The following OR10D3 variants were observed in gnomAD, a reference collection of about 807,000 sequenced individuals.
OR10D3 encodes olfactory receptor 10D3.
For synonymous variants in OR10D3, 100 were observed against 57.6 expected (o/e 1.74, Z -3.33); for missense variants, 286 against 153.7 (o/e 1.86, Z -4.55).
chr11:124,187,928 A>T (rs1020374907), exon 2 of OR10D3: 5 of 152,232 alleles, frequency 3.3e-5, no homozygotes, highest in African/African-American at 1.2e-4. Context: ...TATGAATGCA[A>T]GGCTTTTACG....
chr11:124,185,157 A>G (rs1260321045), intron 1 of OR10D3, 102 bp from the exon 2 acceptor site: 1 of 601,248 alleles, frequency 1.7e-6, no homozygotes, highest in Non-Finnish European at 3.0e-6. Context: ...GATGCAAATC[A>G]CAGTCACTTA....
intron 1 of OR10D3, among the ~76,000 whole-genome samples, chr11:124,183,657 AAGCAATTCTCCTGCCTTAGTCTCCAG>A (rs1215051794): frequency 2.0e-5 from 3 of 148,872 alleles, no homozygotes; most frequent in Non-Finnish European, 4.4e-5. Flanking sequence ...TCCCGGGTTC[AAGCAATTCTCCTGCCTTAGTCTCCAG>A]AGTAGCTGAA....
chr11:124,183,758 A>G (rs1861189760), intron 1 of OR10D3, among the ~76,000 whole-genome samples: 1 of 152,082 alleles, frequency 6.6e-6, no homozygotes, highest in Admixed American at 6.6e-5. Flanking sequence ...ATGGAGAGGA[A>G]AATTTGGAGT....
exon 2 of OR10D3, chr11:124,186,830 G>A (rs1861232260): frequency 6.6e-6 from 1 of 152,188 alleles, no homozygotes; most frequent in African/African-American, 2.4e-5. Flanking sequence ...AAAGCATTGT[G>A]TCTAGTATAT....
chr11:124,185,142 A>G, intron 1 of OR10D3, 117 bp from the exon 2 acceptor site: 2 of 598,330 alleles, frequency 3.3e-6, no homozygotes, highest in Non-Finnish European at 5.9e-6. Context: ...CCTTTCCATA[A>G]CTTAGATGCA....
intron 1 of OR10D3, among the ~76,000 whole-genome samples, chr11:124,184,717 G>A (rs1861199636): frequency 1.3e-5 from 2 of 152,200 alleles, no homozygotes; most frequent in Admixed American, 1.3e-4. Flanking sequence ...TCCTCAAAAA[G>A]TGACTGCCAG....
intron 1 of OR10D3, among the ~76,000 whole-genome samples, chr11:124,183,748 A>G (rs116634474): frequency 0.013 from 1,976 of 152,108 alleles, 54 homozygotes; most frequent in African/African-American, 0.046. Flanking sequence ...TGTGTATCCA[A>G]TGGAGAGGAA....
At chr11:124,185,341 G>T in exon 2 of OR10D3, 1 of 703,352 alleles carries the variant, frequency 1.4e-6, no homozygotes. Context: ...AGGGGCTGGA[G>T]ATGACACTTT....
exon 2 of OR10D3, chr11:124,185,920 C>A: frequency 1.4e-6 from 1 of 703,218 alleles, no homozygotes; most frequent in Middle Eastern, 2.3e-4. Flanking sequence ...TTCTTTTATC[C>A]TACACTAGAA....
exon 2 of OR10D3, chr11:124,185,373 A>G (rs553801386): frequency 5.1e-5 from 36 of 703,154 alleles, no homozygotes; most frequent in Middle Eastern, 4.6e-4. Context: ...TTGCCCTTCT[A>G]TGCCTGCACT....
chr11:124,187,450 A>G (rs1861238799), exon 2 of OR10D3: 1 of 152,234 alleles, frequency 6.6e-6, no homozygotes, highest in Non-Finnish European at 1.5e-5. Context: ...ATCCCACAGA[A>G]GACAGAGACA....
At chr11:124,184,495 T>C (rs2724661) in intron 1 of OR10D3, among the ~76,000 whole-genome samples, 99,241 of 151,976 alleles carry the variant, frequency 0.65, 32,710 homozygotes, top group East Asian at 0.75. Context: ...GATGTCCAAA[T>C]GAAAAACATG....
exon 2 of OR10D3, chr11:124,186,497 G>A: frequency 7.2e-6 from 1 of 138,234 alleles, no homozygotes; most frequent in Non-Finnish European, 1.3e-5. Context: ...TTTCCATCCT[G>A]CCATTTTTTT....
At chr11:124,188,615 C>G (rs1209147348) in exon 2 of OR10D3, 2 of 152,160 alleles carry the variant, frequency 1.3e-5, no homozygotes, top group Non-Finnish European at 2.9e-5. Flanking sequence ...TTGAATTCGC[C>G]TTCTAAGGAT....
chr11:124,183,414 TTC>T (rs1250544302), intron 1 of OR10D3, 31 bp downstream of exon 1: 2 of 80,530 alleles, frequency 2.5e-5, no homozygotes, highest in Non-Finnish European at 5.6e-5. Flanking sequence ...CTTTGCCTCT[TTC>T]TCTCTCTTTC....
At chr11:124,185,601 A>G in exon 2 of OR10D3, 1 of 703,488 alleles carries the variant, frequency 1.4e-6, no homozygotes, top group Non-Finnish European at 2.6e-6. Context: ...GGGAGCATTG[A>G]GTGCTTCTTG....
chr11:124,185,225 C>A, intron 1 of OR10D3, 34 bp from the exon 2 acceptor site: 1 of 660,250 alleles, frequency 1.5e-6, no homozygotes, highest in South Asian at 1.7e-5. Context: ...CCAAGGCATT[C>A]TTCCATGTCC....
exon 2 of OR10D3, chr11:124,188,367 T>C (rs1274929476): frequency 6.6e-6 from 1 of 152,246 alleles, no homozygotes; most frequent in African/African-American, 2.4e-5. Context: ...GGAGGAGAGA[T>C]GACTGAGAAT....
exon 2 of OR10D3, chr11:124,187,220 T>C (rs1861236385): frequency 6.6e-6 from 1 of 152,200 alleles, no homozygotes; most frequent in South Asian, 2.1e-4. Flanking sequence ...CCCTTACCTC[T>C]TGGATATTCA....
Sources: gnomAD v4.1 joint callset for allele counts (sites outside exome capture counted in the v4.1 genomes callset) on GRCh38, gnomAD v4.1.1 for gene constraint, MANE v1.5 for transcripts, NCBI Gene and HGNC (gene_info 2026-07-23, HGNC 2026-07-21) for gene names.